CDH12: variants seen among roughly 807,000 people sequenced by gnomAD.
The protein encoded by CDH12 is cadherin-12.
Under a neutral mutation model 74.1 loss-of-function variants are expected in CDH12, and 41 were observed. That is an observed-to-expected ratio of 0.55 (90% CI 0.43 to 0.72). The LOEUF (loss-of-function observed/expected upper bound fraction) is 0.72, where lower values mean the gene tolerates loss of function less well. Among genes scored for constraint, CDH12 ranks in the 30% least tolerant of loss-of-function variants. CDH12 has a pLI of 0.00. For synonymous variants in CDH12, 399 were observed against 355.0 expected, an observed-to-expected ratio of 1.12 and a Z score of -1.39; for missense variants, 945 against 977.2, an observed-to-expected ratio of 0.97 and a Z score of 0.44.
intron 8 of CDH12, among the ~76,000 whole-genome samples, chr5:21,824,489 A>G (rs898680222): frequency 6.6e-6 from 1 of 152,062 alleles, no homozygotes; most frequent in African/African-American, 2.4e-5. Flanking sequence ...AGGACTTAAC[A>G]TAATGTTGGG....
At chr5:21,770,978 C>T (rs1263374007) in intron 11 of CDH12, among the ~76,000 whole-genome samples, 1 of 152,144 alleles carries the variant, frequency 6.6e-6, no homozygotes, top group Non-Finnish European at 1.5e-5. Flanking sequence ...CCCAATGCCA[C>T]ATGTTCTCAA....
intron 6 of CDH12, among the ~76,000 whole-genome samples, chr5:21,955,771 C>A (rs551435930): frequency 3.4e-4 from 51 of 152,110 alleles, no homozygotes; most frequent in African/African-American, 1.2e-3. Context: ...TAGCTTGGAT[C>A]CACTACTTGG....
intron 2 of CDH12, among the ~76,000 whole-genome samples, chr5:22,415,438 C>CA (rs1176967813): frequency 6.6e-6 from 1 of 152,184 alleles, no homozygotes; most frequent in African/African-American, 2.4e-5. Context: ...TGGGTCCAGT[C>CA]ATGTGACTTG....
chr5:22,366,941 T>A (rs573106091), intron 3 of CDH12, among the ~76,000 whole-genome samples: 1 of 152,306 alleles, frequency 6.6e-6, no homozygotes, highest in South Asian at 2.1e-4. Flanking sequence ...AATTTTGTCT[T>A]TAATAAACTG....
Position 22,197,072 on chromosome 5 carries a change from GTTT to G in CDH12, c.-187+15423_-187+15425del, listed in dbSNP as rs1750660889. Among the ~76,000 whole-genome samples, 3 of 152,232 alleles carry G rather than the reference GTTT, an allele frequency of 2.0e-5. No homozygotes were observed. In the South Asian group the frequency reaches 6.2e-4, roughly 32 times the overall value. The stretch of plus-strand genomic sequence containing the variant: ...AACTTAAAATAAGAGTTAAAAAATA[GTTT>G]ATGATAAGATTTTCATTAATAAGAA... On this transcript the variant is annotated intron_variant, in intron 4 of 14. Coordinates refer to ENST00000382254, the MANE Select transcript of CDH12 (RefSeq NM_004061.5).
At chr5:22,009,527 C>T (rs1376995177) in intron 5 of CDH12, among the ~76,000 whole-genome samples, 1 of 152,156 alleles carries the variant, frequency 6.6e-6, no homozygotes, top group Non-Finnish European at 1.5e-5. Flanking sequence ...GTAGCAAACA[C>T]TAATCTAGGA....
At chr5:22,834,418 T>C (rs1243535316) in intron 1 of CDH12, among the ~76,000 whole-genome samples, 1 of 152,162 alleles carries the variant, frequency 6.6e-6, no homozygotes, top group African/African-American at 2.4e-5. Context: ...CAAGTAGAGT[T>C]CTCCTAGGTG....
At chr5:22,389,889 C>T (rs1240544064) in intron 3 of CDH12, among the ~76,000 whole-genome samples, 2 of 151,982 alleles carry the variant, frequency 1.3e-5, no homozygotes, top group South Asian at 4.2e-4. Flanking sequence ...ACCTCGTGAT[C>T]TGCCCGCTTC....
intron 2 of CDH12, among the ~76,000 whole-genome samples, chr5:22,409,508 C>A (rs1379187042): frequency 2.0e-5 from 3 of 151,704 alleles, no homozygotes; most frequent in Non-Finnish European, 4.4e-5. Context: ...TTTGGAATAC[C>A]ATATTATATT....
Position 21,755,587 on chromosome 5 carries a change from C to A in CDH12, c.1885+4G>T, listed in dbSNP as rs1363914385. 3.7e-6 allele frequency: 6 copies of A among 1,608,658 alleles called. No homozygotes were observed. Among genetic ancestry groups the A allele is most frequent in the Non-Finnish European group, 5.1e-6 (6 of 1,176,270 alleles). On this transcript the variant is annotated splice_donor_region_variant and intron_variant, in intron 14 of 14. Transcript: ENST00000382254. ...AATTAACAATGATTAATATTGAAACCAACCTAAGAGTATAACAATGCATAG... is the reference window on the plus strand; with the variant it reads ...AATTAACAATGATTAATATTGAAACAAACCTAAGAGTATAACAATGCATAG...
intron 1 of CDH12, among the ~76,000 whole-genome samples, chr5:22,575,052 A>G (rs1739716065): frequency 6.6e-6 from 1 of 152,146 alleles, no homozygotes; most frequent in South Asian, 2.1e-4. Context: ...GTTCATTCAT[A>G]ATGAGTGAAA....
At chr5:22,089,840 G>A (rs775478861) in intron 4 of CDH12, among the ~76,000 whole-genome samples, 1 of 132,200 alleles carries the variant, frequency 7.6e-6, no homozygotes, top group African/African-American at 3.6e-5. Flanking sequence ...AAAGAATAAA[G>A]TATAGGGAAA....
chr5:21,802,593 C>CTTTTTTTTTTTT (rs35742047), intron 9 of CDH12, among the ~76,000 whole-genome samples, 173 bp from the exon 10 acceptor site: 5 of 120,194 alleles, frequency 4.2e-5, no homozygotes, highest in Non-Finnish European at 4.9e-5. Context: ...ATTTTTTTTT[C>CTTTTTTTTTTTT]TTTTTTTTTT....
intron 2 of CDH12, among the ~76,000 whole-genome samples, chr5:22,498,652 T>C (rs9293019): frequency 0.95 from 144,861 of 151,900 alleles, 69,202 homozygotes; most frequent in African/African-American, 0.99. Flanking sequence ...ATACATATGA[T>C]ATATAATATT....
chr5:22,318,161 CTT>C (rs1738711252), intron 3 of CDH12, among the ~76,000 whole-genome samples: 1 of 152,174 alleles, frequency 6.6e-6, no homozygotes, highest in Non-Finnish European at 1.5e-5. Context: ...AATCAAATCA[CTT>C]TAGAAAGCGG....
At chr5:22,448,122 C>T (rs531245959) in intron 2 of CDH12, among the ~76,000 whole-genome samples, 1 of 149,282 alleles carries the variant, frequency 6.7e-6, no homozygotes, top group South Asian at 2.1e-4. Context: ...CATACCACTG[C>T]ACTCCAGCCT....
At chr5:22,799,036 G>A (rs1418776958) in intron 1 of CDH12, among the ~76,000 whole-genome samples, 3 of 152,120 alleles carry the variant, frequency 2.0e-5, no homozygotes, top group African/African-American at 7.2e-5. Context: ...AGGATGGCTT[G>A]AGCCTGGGAG....
At chr5:21,975,459 C>T in intron 5 of CDH12, 74 bp from the exon 6 acceptor site, 1 of 1,050,238 alleles carries the variant, frequency 9.5e-7, no homozygotes, top group Non-Finnish European at 1.3e-6. Context: ...AAAGGATGTG[C>T]CAAATTAAAA....
At chr5:22,779,057 T>A (rs1248792680) in intron 1 of CDH12, among the ~76,000 whole-genome samples, 3 of 152,130 alleles carry the variant, frequency 2.0e-5, no homozygotes, top group African/African-American at 7.2e-5. Context: ...ATTGTGCAAT[T>A]TTAAGGTTCA....
Sources: gnomAD v4.1 joint callset for allele counts (sites outside exome capture counted in the v4.1 genomes callset) on GRCh38, gnomAD v4.1.1 for gene constraint, MANE v1.5 for transcripts, NCBI Gene and HGNC (gene_info 2026-07-23, HGNC 2026-07-21) for gene names.